The following CCDC39 variants were observed in gnomAD, a reference collection of about 807,000 sequenced individuals.
CCDC39 encodes coiled-coil domain 39 molecular ruler complex subunit, also known as coiled-coil domain-containing protein 39.
CCDC39 carries 113 observed loss-of-function variants against 121.0 expected under a neutral mutation model. That is an observed-to-expected ratio of 0.93 (90% CI 0.80 to 1.09). The LOEUF (loss-of-function observed/expected upper bound fraction) is 1.09. Among genes scored for constraint, CCDC39 ranks in the 50% least tolerant of loss-of-function variants. The probability of loss-of-function intolerance (pLI) is 0.00; values close to 1 mark genes in which losing one functional copy is unlikely to be tolerated. For synonymous variants in CCDC39, 349 were observed against 352.2 expected (o/e 0.99, Z 0.10); for missense variants, 1,063 against 1,074.7 (o/e 0.99, Z 0.15).
In CCDC39 at chr3:180,616,816, A is replaced by C; in HGVS notation, c.2406+10T>G. 6.2e-7 allele frequency: 1 copy of C among 1,607,150 alleles called. No individual in the cohort carries two copies. Reference sequence around the variant, plus strand: ...AATATGAAAGGTCAGTTTTTAAAAGATATCGATACCTGTTTGGTCACTCTT... The same window carrying C: ...AATATGAAAGGTCAGTTTTTAAAAGCTATCGATACCTGTTTGGTCACTCTT... On this transcript the variant is annotated intron_variant, in intron 17 of 19. Transcript: ENST00000476379.
At chr3:180,651,205 GA>G (rs1718199778) in intron 9 of CCDC39, among the ~76,000 whole-genome samples, 195 bp downstream of exon 9, 2 of 149,812 alleles carry the variant, frequency 1.3e-5, no homozygotes, top group African/African-American at 5.1e-5. Context: ...CAAAAAAAAA[GA>G]AAAAAGAGAG....
intron 13 of CCDC39, among the ~76,000 whole-genome samples, chr3:180,634,767 C>T (rs1410686651): frequency 6.6e-6 from 1 of 152,124 alleles, no homozygotes; most frequent in African/African-American, 2.4e-5. Context: ...CACCTAAGCA[C>T]CACCTACTGG....
intron 6 of CCDC39, among the ~76,000 whole-genome samples, chr3:180,657,692 A>G (rs1383431308): frequency 6.6e-6 from 1 of 152,188 alleles, no homozygotes. Context: ...ATAGCCAATC[A>G]ATAGCTGATG....
chr3:180,622,114 T>C (rs1560081247), intron 14 of CCDC39, among the ~76,000 whole-genome samples: 1 of 152,180 alleles, frequency 6.6e-6, no homozygotes, highest in African/African-American at 2.4e-5. Flanking sequence ...TTTGTAGTTT[T>C]CCTTATGGAG....
intron 1 of CCDC39, among the ~76,000 whole-genome samples, chr3:180,674,496 C>T (rs1712136616): frequency 6.6e-6 from 1 of 152,170 alleles, no homozygotes; most frequent in African/African-American, 2.4e-5. Context: ...ATTGCCTTGG[C>T]CAGAACTTCC....
intron 1 of CCDC39, among the ~76,000 whole-genome samples, chr3:180,668,941 T>C (rs1488682052): frequency 6.6e-6 from 1 of 152,222 alleles, no homozygotes; most frequent in African/African-American, 2.4e-5. Context: ...CACTGAGGAA[T>C]GCCTTTCCCA....
chr3:180,618,908 GATT>G (rs983533781), intron 16 of CCDC39, among the ~76,000 whole-genome samples: 7 of 152,086 alleles, frequency 4.6e-5, no homozygotes, highest in African/African-American at 1.2e-4. Context: ...CTTTCTACTA[GATT>G]ATTATTTTTT....
intron 3 of CCDC39, 80 bp downstream of exon 3, chr3:180,661,781 G>GAA: frequency 2.1e-5 from 25 of 1,203,480 alleles, no homozygotes; most frequent in South Asian, 8.1e-5. Flanking sequence ...TCCCATACAA[G>GAA]AAAAAAAAAA....
In CCDC39 at chr3:180,677,166, TTTTA is replaced by T. The variant is rs1447276444; in HGVS notation, c.90+2121_90+2124del. On this transcript the variant is annotated intron_variant, in intron 1 of 19. Coordinates refer to ENST00000476379, the MANE Select transcript of CCDC39 (RefSeq NM_181426.2). Reference sequence around the variant, plus strand: ...ATTATAATAATAATAATAATAATAATTTTATATATATATATATATATATATATAT... The same window carrying T: ...ATTATAATAATAATAATAATAATAATTATATATATATATATATATATATAT... Among the ~76,000 whole-genome samples, 205 of 40,900 alleles carry T rather than the reference TTTTA, an allele frequency of 5.0e-3. 2 individuals are homozygous for T. The highest frequency in any genetic ancestry group is 0.021 in the African/African-American group (186 of 8,658). 26.8% of individuals were successfully genotyped at this position (40,900 alleles called of 152,430 possible).
At chr3:180,644,698 T>C (rs1718032587) in intron 11 of CCDC39, among the ~76,000 whole-genome samples, 1 of 152,206 alleles carries the variant, frequency 6.6e-6, no homozygotes, top group South Asian at 2.1e-4. Context: ...ATTACTTATG[T>C]AATAAAATGT....
chr3:180,625,204 G>A (rs1282794188), intron 14 of CCDC39, among the ~76,000 whole-genome samples: 1 of 151,272 alleles, frequency 6.6e-6, no homozygotes. Flanking sequence ...CATCTTGAAG[G>A]CCTTGTTCAC....
chr3:180,677,168 TTATATA>T (rs58408770), intron 1 of CCDC39, among the ~76,000 whole-genome samples: 383 of 35,156 alleles, frequency 0.011, 1 homozygote, highest in South Asian at 0.033. Context: ...AATAATAATT[TTATATA>T]TATATATATA....
chr3:180,670,664 T>C (rs529792660), intron 1 of CCDC39, among the ~76,000 whole-genome samples: 89 of 150,764 alleles, frequency 5.9e-4, no homozygotes, highest in Admixed American at 1.9e-3. Flanking sequence ...TTGCTTTCTT[T>C]ACTTTTTTTC....
At chr3:180,616,076 A>G (rs1717224601) in intron 19 of CCDC39, among the ~76,000 whole-genome samples, 1 of 152,222 alleles carries the variant, frequency 6.6e-6, no homozygotes, top group African/African-American at 2.4e-5. Flanking sequence ...TGACACCAGC[A>G]GAAGTCAGAA....
At chr3:180,646,010 C>A (rs1718059548) in intron 11 of CCDC39, among the ~76,000 whole-genome samples, 1 of 152,058 alleles carries the variant, frequency 6.6e-6, no homozygotes, top group Non-Finnish European at 1.5e-5. Flanking sequence ...AACAATACCA[C>A]ATATTGAGTA....
Position 180,659,448 on chromosome 3 carries a change from T to C in CCDC39, c.738+4A>G. 6.2e-7 allele frequency: 1 copy of C among 1,613,250 alleles called. No individual in the cohort carries two copies. The highest frequency in any genetic ancestry group is 1.1e-5 in the South Asian group (1 of 91,008). On this transcript the variant is annotated splice_donor_region_variant and intron_variant, in intron 6 of 19. Coordinates refer to ENST00000476379, the MANE Select transcript of CCDC39 (RefSeq NM_181426.2). ...ACATTACAAGGACCAAACAACTACT[T>C]TACCAAAGCACAGTTATCTATGTCT...
chr3:180,648,738 C>T (rs1392378738), intron 9 of CCDC39, among the ~76,000 whole-genome samples: 2 of 152,188 alleles, frequency 1.3e-5, no homozygotes, highest in Non-Finnish European at 1.5e-5. Context: ...AATCACACCA[C>T]CCAATCTCCC....
chr3:180,670,644 T>C (rs1712016854), intron 1 of CCDC39, among the ~76,000 whole-genome samples: 1 of 151,428 alleles, frequency 6.6e-6, no homozygotes, highest in African/African-American at 2.4e-5. Flanking sequence ...TTTCTCTTTT[T>C]TTTTTTTTTT....
chr3:180,616,178 G>T, intron 19 of CCDC39, 103 bp downstream of exon 19: 1 of 889,870 alleles, frequency 1.1e-6, no homozygotes, highest in Non-Finnish European at 1.9e-6. Flanking sequence ...CTGGCAGTGA[G>T]TGCATGGGCC....
Sources: allele counts gnomAD v4.1 joint callset (sites outside exome capture counted in the v4.1 genomes callset), GRCh38; gene constraint gnomAD v4.1.1; transcripts MANE v1.5; gene names NCBI Gene and HGNC (gene_info 2026-07-23, HGNC 2026-07-21).